Variants in PITPNM1 observed in about 807,000 individuals in gnomAD.
PITPNM1 encodes the protein phosphatidylinositol transfer protein membrane associated 1.
A neutral mutation model predicts 133.3 loss-of-function variants in PITPNM1; 74 were observed. The observed-to-expected ratio is 0.56, with a 90% CI of 0.46 to 0.67. The LOEUF is 0.67. PITPNM1 is among the 30% of genes least tolerant of loss of function. The probability of loss-of-function intolerance (pLI) is 0.00; values close to 1 mark genes in which losing one functional copy is unlikely to be tolerated. For synonymous variants in PITPNM1, 738 were observed against 741.4 expected, an observed-to-expected ratio of 1.00 and a Z score of 0.08; for missense variants, 1,398 against 1,739.5, an observed-to-expected ratio of 0.80 and a Z score of 3.49.
At position 67,504,188 on chromosome 11, in the gene PITPNM1, G is replaced by C. The variant is rs1591068067; in HGVS notation, c.-8C>G. The C allele has an allele frequency of 8.8e-6, 14 of 1,597,752 alleles. No homozygotes were observed. Among genetic ancestry groups the C allele is most frequent in the Non-Finnish European group, 1.2e-5 (14 of 1,174,572 alleles). ...GTATTCCTTGATGAGCATCCTGAAGGCGCTCGGCGGGCCGCGCGCGGCCTC... is the reference window on the plus strand; with the variant it reads ...GTATTCCTTGATGAGCATCCTGAAGCCGCTCGGCGGGCCGCGCGCGGCCTC... On this transcript the variant is annotated 5_prime_UTR_variant, in exon 2 of 24. Coordinates refer to ENST00000356404, the MANE Select transcript of PITPNM1 (RefSeq NM_004910.3). This position sits in a 1 kb window ranked among gnomAD's most constrained non-coding sequence, Gnocchi z 5.4.
Position 67,491,922 on chromosome 11 carries a change from T to G in PITPNM1, c.*111A>C. The G allele has an allele frequency of 8.2e-7, 1 of 1,221,694 alleles. No individual in the cohort carries two copies. The highest frequency in any genetic ancestry group is 1.4e-5 in the South Asian group (1 of 70,136). The allele number at this position is 1,221,694 out of a possible 1,614,324, so 75.7% of individuals were successfully genotyped here. The stretch of plus-strand genomic sequence containing the variant: ...CACACGGAGATATAGGGTGTGGGGC[T>G]GGGGGGGCCAGCGCTGGGGCCAAAA... On this transcript the variant is annotated 3_prime_UTR_variant, in exon 24 of 24. Transcript: ENST00000356404.
At position 67,498,241 on chromosome 11, in the gene PITPNM1, G is replaced by A. The variant is rs777912532; in HGVS notation, c.1566C>T (p.Ala522=). 5.6e-6 allele frequency: 9 copies of A among 1,612,172 alleles called. No homozygotes were observed. In the African/African-American group the frequency reaches 6.7e-5, roughly 12 times the overall value. ...HIPLAALPLL[A]TSSSRYQGAV... is the part of the protein sequence containing the mutation. Reference sequence around the variant, plus strand: ...CGCCCTGGTAGCGGGAGGATGAGGTGGCCAGCAGTGGCAGGGCAGCCAGTG... The same window carrying A: ...CGCCCTGGTAGCGGGAGGATGAGGTAGCCAGCAGTGGCAGGGCAGCCAGTG... The change falls in exon 11 of 24, where the codon GCC becomes GCT. Residue 522 remains alanine, a synonymous_variant. Coordinates refer to ENST00000356404, the MANE Select transcript of PITPNM1 (RefSeq NM_004910.3). This position sits in a 1 kb window ranked among gnomAD's most constrained non-coding sequence, Gnocchi z 5.7.
intron 22 of PITPNM1, 71 bp from the exon 23 acceptor site, chr11:67,493,133 T>C: frequency 1.3e-6 from 2 of 1,575,454 alleles, no homozygotes; most frequent in Non-Finnish European, 1.7e-6. Flanking sequence ...CCTGTTGGGC[T>C]TCCCCAGATT....
At position 67,492,272 on chromosome 11, in the gene PITPNM1, G is replaced by A; in HGVS notation, c.3496C>T (p.His1166Tyr). The A allele has an allele frequency of 6.3e-7, 1 of 1,585,882 alleles. No homozygotes were observed. Among genetic ancestry groups the A allele is most frequent in the Non-Finnish European group, 8.6e-7 (1 of 1,164,168 alleles). The change falls in exon 24 of 24, where the codon CAC becomes TAC. Residue 1166 changes from histidine (H) to tyrosine (Y), a missense_variant. Coordinates refer to ENST00000356404, the MANE Select transcript of PITPNM1 (RefSeq NM_004910.3). ...GAGCCCGCTTCCAGCTGGCCCAGGT[G>A]GGCCACATAGCCGTCTGACAGGAAC... ...CQFLSDGYVA[H>Y]LGQLEAGSHS...
intron 2 of PITPNM1, chr11:67,503,869 T>C (rs564405012): frequency 2.4e-6 from 1 of 425,370 alleles, no homozygotes; most frequent in East Asian, 3.8e-5. Flanking sequence ...CCGATGGGAT[T>C]ACAGATCCTG....
Position 67,498,974 on chromosome 11 carries a change from A to G in PITPNM1, c.1199T>C (p.Ile400Thr), listed in dbSNP as rs752069355. The change falls in exon 9 of 24, where the codon ATT (isoleucine) becomes ACT (threonine). Residue 400 changes from isoleucine (I) to threonine (T), a missense_variant. This residue lies in a region of PITPNM1 where 574 missense variants were observed against 698.7 expected (regional missense o/e 0.82). Transcript: ENST00000356404. This position sits in a 1 kb window ranked among gnomAD's most constrained non-coding sequence, Gnocchi z 5.7. ...PEPGAEAAKG[I>T]EDGAQAPRDS... ...CCTGGGTGCTTGGGCCCCATCCTCA[A>G]TGCCTTTAGCTGCCTCGGCTCCAGG... 5 of 1,612,602 alleles carry G rather than the reference A, an allele frequency of 3.1e-6. No homozygotes were observed. The East Asian group carries it at 8.9e-5, about 29-fold the overall frequency.
rs1215331702 is a variant in PITPNM1 at position 67,493,326 on chromosome 11, G to A, written c.3342+84C>T. 8 of 1,374,306 alleles carry A rather than the reference G, an allele frequency of 5.8e-6. No homozygotes were observed. The East Asian group carries it at 1.3e-4, about 22-fold the overall frequency. 85.1% of individuals were successfully genotyped at this position (1,374,306 alleles called of 1,614,324 possible). A position where few individuals can be genotyped will look rare whatever the true frequency, so the allele number is the denominator to read the frequency against. ...GCCCGGGCCGATCCAGTTGGGAACAGATGGGCCTCCGCCGATCCGGGGGTG... is the reference window on the plus strand; with the variant it reads ...GCCCGGGCCGATCCAGTTGGGAACAAATGGGCCTCCGCCGATCCGGGGGTG... On this transcript the variant is annotated intron_variant, in intron 22 of 23. Coordinates refer to ENST00000356404, the MANE Select transcript of PITPNM1 (RefSeq NM_004910.3).
rs777900175 is a variant in PITPNM1, at chr11:67,497,307, G to A, written c.2070C>T (p.Val690=). The A allele has an allele frequency of 1.9e-6, 3 of 1,612,592 alleles. No homozygotes were observed. The highest frequency in any genetic ancestry group is 2.5e-6 in the Non-Finnish European group (3 of 1,179,628). ...GGGAGCCGAAGAGGAAGAAGCCAGA[G>A]ACCTTGAAGTCAAGGCGGGCAGTGC... ...PSSTARLDFK[V]SGFFLFGSPL... Residue 690 remains valine (V), a synonymous_variant, in exon 14 of 24, where the codon GTC becomes GTT. Transcript: ENST00000356404.
chr11:67,497,839 T>C, intron 12 of PITPNM1, 78 bp downstream of exon 12: 3 of 1,480,190 alleles, frequency 2.0e-6, no homozygotes, highest in Non-Finnish European at 1.9e-6. Flanking sequence ...GGCAGAGGGG[T>C]GGCATTCCAG....
In PITPNM1 at chr11:67,502,151, T is replaced by C. The variant is rs577024185; in HGVS notation, c.416-65A>G. Reference sequence around the variant, plus strand: ...TTGAGCCCCCGCTCCTGGCACCCTCTTGGGACTGGATGACAGTTCCCGTCC... The same window carrying C: ...TTGAGCCCCCGCTCCTGGCACCCTCCTGGGACTGGATGACAGTTCCCGTCC... On this transcript the variant is annotated intron_variant, in intron 4 of 23. Coordinates refer to ENST00000356404, the MANE Select transcript of PITPNM1 (RefSeq NM_004910.3). The surrounding 1 kb of genome is among the most constrained non-coding windows in gnomAD (Gnocchi z 5.9). 19 of 1,565,260 alleles carry C rather than the reference T, an allele frequency of 1.2e-5. No homozygotes were observed. The highest frequency in any genetic ancestry group is 1.5e-5 in the Non-Finnish European group (17 of 1,147,818).
At chr11:67,494,761 G>A (rs1420820242) in intron 18 of PITPNM1, 85 bp downstream of exon 18, 5 of 804,328 alleles carry the variant, frequency 6.2e-6, no homozygotes, top group Non-Finnish European at 1.0e-5. Flanking sequence ...CCGAGGAGGG[G>A]GGTGCTGGGG....
chr11:67,502,161 A>T lies in PITPNM1; in HGVS notation c.416-75T>A. 6.4e-7 allele frequency: 1 copy of T among 1,556,090 alleles called. No individual in the cohort carries two copies. Among genetic ancestry groups the T allele is most frequent in the East Asian group, 2.3e-5 (1 of 44,374 alleles). On this transcript the variant is annotated intron_variant, in intron 4 of 23. Transcript: ENST00000356404. The surrounding 1 kb of genome is among the most constrained non-coding windows in gnomAD (Gnocchi z 5.9). The stretch of plus-strand genomic sequence containing the variant: ...GCTCCTGGCACCCTCTTGGGACTGG[A>T]TGACAGTTCCCGTCCTTTTGCAGAC...
At chr11:67,503,606 G>A (rs1866401865) in intron 2 of PITPNM1, among the ~76,000 whole-genome samples, 1 of 152,084 alleles carries the variant, frequency 6.6e-6, no homozygotes, top group Non-Finnish European at 1.5e-5. Flanking sequence ...ACTCCCCCAG[G>A]CCCCGCACCA....
chr11:67,501,816 C>T, intron 5 of PITPNM1, 46 bp downstream of exon 5: 1 of 1,522,388 alleles, frequency 6.6e-7, no homozygotes, highest in Non-Finnish European at 9.1e-7. Context: ...AACATGGGGT[C>T]TGGGGCATGC....
In PITPNM1 at chr11:67,492,989, G is replaced by A. The variant is rs760823953; in HGVS notation, c.3416C>T (p.Pro1139Leu). Residue 1139 changes from proline (P) to leucine (L), a missense_variant, in exon 23 of 24, where the codon CCG becomes CTG. Coordinates refer to ENST00000356404, the MANE Select transcript of PITPNM1 (RefSeq NM_004910.3). ...ACGGCCCACGATGTAGGTCTGGCTC[G>A]GGGACAGCCCCAGCGCCGCGTATAC... Reference protein sequence around the residue: ...VAVYAALGLSPSQTYIVGRAV... With the variant: ...VAVYAALGLSLSQTYIVGRAV... The A allele has an allele frequency of 3.1e-6, 5 of 1,613,002 alleles. No individual in the cohort carries two copies. In the South Asian group the frequency reaches 4.4e-5, roughly 14 times the overall value.
At position 67,500,017 on chromosome 11, in the gene PITPNM1, G is replaced by T; in HGVS notation, c.968-8C>A. On this transcript the variant is annotated splice_polypyrimidine_tract_variant and splice_region_variant and intron_variant, in intron 6 of 23. Transcript: ENST00000356404. ...TCTGGGGAGACACAGCCCCTGCCGG[G>T]CCAGCTCAGCCTCAGCCTCAGCCCA... is the stretch of plus-strand genomic sequence containing the variant. The T allele has an allele frequency of 6.2e-7, 1 of 1,611,446 alleles. No homozygotes were observed. The highest frequency in any genetic ancestry group is 8.5e-7 in the Non-Finnish European group (1 of 1,179,242).
intron 2 of PITPNM1, chr11:67,503,883 A>C: frequency 4.6e-6 from 2 of 433,166 alleles, no homozygotes; most frequent in Non-Finnish European, 4.1e-6. Flanking sequence ...GATCCTGAGG[A>C]GGATTACAGG....
At chr11:67,495,635 G>A (rs1294546572) in intron 15 of PITPNM1, 33 bp from the exon 16 acceptor site, 9 of 1,518,934 alleles carry the variant, frequency 5.9e-6, no homozygotes, top group African/African-American at 2.8e-5. Context: ...AGCAGGGGCC[G>A]GCCAGGTGGC....
rs1425153208 is a variant in PITPNM1, at chr11:67,492,290, A to G, written c.3478T>C (p.Ser1160Pro). 2 of 1,567,868 alleles carry G rather than the reference A, an allele frequency of 1.3e-6. No homozygotes were observed. Among genetic ancestry groups the G allele is most frequent in the South Asian group, 2.3e-5 (2 of 85,170 alleles). Reference sequence around the variant, plus strand: ...CCCAGGTGGGCCACATAGCCGTCTGACAGGAACTGTGGGCAGAGGTAGGCA... The same window carrying G: ...CCCAGGTGGGCCACATAGCCGTCTGGCAGGAACTGTGGGCAGAGGTAGGCA... The part of the protein sequence containing the change: ...RKLQAQCQFL[S>P]DGYVAHLGQL... The change falls in exon 24 of 24, where the codon TCA (serine) becomes CCA (proline). Residue 1160 changes from serine (S) to proline (P), a missense_variant. Ser to Pro is a moderately conservative substitution (Grantham distance 74, BLOSUM62 -1). Transcript: ENST00000356404.
Sources: allele counts gnomAD v4.1 joint callset (sites outside exome capture counted in the v4.1 genomes callset), GRCh38; gene constraint gnomAD v4.1.1; regional missense constraint gnomAD v4.1.1; non-coding constraint Gnocchi (gnomAD v3.1); transcripts MANE v1.5; gene names NCBI Gene and HGNC (gene_info 2026-07-23, HGNC 2026-07-21).